PALM: variants seen among roughly 807,000 people sequenced by gnomAD.
The protein encoded by PALM is paralemmin-1.
A neutral mutation model predicts 30.7 loss-of-function variants in PALM; 18 were observed. That is an observed-to-expected ratio of 0.59 (90% CI 0.41 to 0.87). PALM has a LOEUF of 0.87. PALM is among the 40% of genes least tolerant of loss of function. The pLI is 0.00. For synonymous variants in PALM, 286 were observed against 242.8 expected, an observed-to-expected ratio of 1.18 and a Z score of -1.66; for missense variants, 529 against 555.4, an observed-to-expected ratio of 0.95 and a Z score of 0.48.
At chr19:743,686 A>T (rs946516785) in intron 8 of PALM, among the ~76,000 whole-genome samples, 2 of 151,788 alleles carry the variant, frequency 1.3e-5, no homozygotes, top group Non-Finnish European at 2.9e-5. Context: ...TGGCCCAGGC[A>T]GCCGTGTTTC....
intron 1 of PALM, chr19:719,272 G>A: frequency 2.0e-6 from 2 of 985,434 alleles, no homozygotes; most frequent in Non-Finnish European, 2.4e-6. Flanking sequence ...TAACCTCTCT[G>A]GGCCCTTCCA....
chr19:743,077 G>A (rs1250517254), intron 8 of PALM, among the ~76,000 whole-genome samples: 1 of 152,112 alleles, frequency 6.6e-6, no homozygotes, highest in Non-Finnish European at 1.5e-5. Flanking sequence ...TGGCTGTCCT[G>A]GTGGCGTGAC....
In PALM at chr19:746,431, G is replaced by C. The variant is rs759281993; in HGVS notation, c.781G>C (p.Glu261Gln). 6.2e-7 allele frequency: 1 copy of C among 1,610,840 alleles called. No individual in the cohort carries two copies. Among genetic ancestry groups the C allele is most frequent in the Admixed American group, 1.7e-5 (1 of 59,808 alleles). ...AGAAETRGAV[E>Q]GAARTTPSRR... Reference sequence around the variant, plus strand: ...GGCGGCAGAGACCCGGGGGGCTGTGGAGGGGGCAGCCCGGACCACGCCCTC... The same window carrying C: ...GGCGGCAGAGACCCGGGGGGCTGTGCAGGGGGCAGCCCGGACCACGCCCTC... Residue 261 changes from glutamate to glutamine, a missense_variant, in exon 9 of 9, where the codon GAG (glutamate) becomes CAG (glutamine). Physicochemically the swap from Glu to Gln is conservative, Grantham distance 29. Transcript: ENST00000338448. The surrounding 1 kb of genome is among the most constrained non-coding windows in gnomAD (Gnocchi z 7.1).
chr19:716,879 C>T (rs577854062), intron 1 of PALM, among the ~76,000 whole-genome samples: 36 of 152,126 alleles, frequency 2.4e-4, no homozygotes, highest in Non-Finnish European at 4.4e-4. Flanking sequence ...ACACGCTACA[C>T]AGTCTGGCTG....
intron 5 of PALM, among the ~76,000 whole-genome samples, chr19:733,305 G>A (rs566945606): frequency 1.3e-5 from 2 of 152,296 alleles, no homozygotes; most frequent in Admixed American, 1.3e-4. Flanking sequence ...GACTAGTGCT[G>A]TCATGGGAGA....
At position 741,511 on chromosome 19, in the gene PALM, AGGGG is replaced by A. The variant is rs2033193610; in HGVS notation, c.634+1029_634+1032del. ...TGAGGGGAGCTGGGCTGCAGGGGTG[AGGGG>A]AGACGGGGTGAGGGGAGACGGGCTG... On this transcript the variant is annotated intron_variant, in intron 8 of 8. Transcript: ENST00000338448. Among the ~76,000 whole-genome samples the A allele has an allele frequency of 1.5e-3, 2 of 1,362 alleles. 1 individual carries two copies. The highest frequency in any genetic ancestry group is 0.1 in the East Asian group (2 of 20). 0.9% of individuals were successfully genotyped at this position (1,362 alleles called of 152,430 possible).
intron 1 of PALM, among the ~76,000 whole-genome samples, chr19:724,156 G>C (rs909463665): frequency 6.6e-6 from 1 of 152,060 alleles, no homozygotes; most frequent in African/African-American, 2.4e-5. Flanking sequence ...AGAATTCCTC[G>C]GTTCTTTCCT....
chr19:710,668 C>G (rs1443386651), intron 1 of PALM, among the ~76,000 whole-genome samples: 2 of 84,724 alleles, frequency 2.4e-5, no homozygotes, highest in African/African-American at 5.2e-5. Context: ...CCCCACCCCC[C>G]CTCCATCACA....
chr19:713,944 A>AG, intron 1 of PALM, among the ~76,000 whole-genome samples: 1 of 139,644 alleles, frequency 7.2e-6, no homozygotes. Flanking sequence ...TCGCTCTGTC[A>AG]CCCAGGCTGG....
At position 709,469 on chromosome 19, in the gene PALM, C is replaced by T. The variant is rs1248721827; in HGVS notation, c.5+318C>T. Reference sequence around the variant, plus strand: ...TCCGCCCGCGCCCCGCCCGCGTCTCCAGGGCGAGCCTCGGCTCTCGGCCAC... The same window carrying T: ...TCCGCCCGCGCCCCGCCCGCGTCTCTAGGGCGAGCCTCGGCTCTCGGCCAC... On this transcript the variant is annotated intron_variant, in intron 1 of 8. Coordinates refer to ENST00000338448, the MANE Select transcript of PALM (RefSeq NM_002579.3). The surrounding 1 kb of genome is among the most constrained non-coding windows in gnomAD (Gnocchi z 4.3). 1.3e-5 allele frequency among the ~76,000 whole-genome samples: 2 copies of T among 152,004 alleles called. No homozygotes were observed. The highest frequency in any genetic ancestry group is 2.4e-5 in the African/African-American group (1 of 41,436).
chr19:736,320 C>G (rs927227906), intron 7 of PALM, among the ~76,000 whole-genome samples: 1 of 152,186 alleles, frequency 6.6e-6, no homozygotes, highest in Non-Finnish European at 1.5e-5. Context: ...ACGGGCCCCA[C>G]GCATGGCGGC....
At chr19:726,950 T>TGGGCTGTGCTTTGTGGGGGGGGG in intron 2 of PALM, 58 bp from the exon 3 acceptor site, 1 of 864,348 alleles carries the variant, frequency 1.2e-6, no homozygotes. Flanking sequence ...TGTGTGGGGG[T>TGGGCTGTGCTTTGTGGGGGGGGG]GGGGGGGTCT....
intron 8 of PALM, among the ~76,000 whole-genome samples, chr19:741,598 T>C (rs1171537005): frequency 6.6e-6 from 1 of 151,036 alleles, no homozygotes; most frequent in Non-Finnish European, 1.5e-5. Context: ...GTCAGGGAGT[T>C]GAGGAGCTGG....
chr19:746,232 C>T lies in PALM; in HGVS notation c.635-53C>T. 5.4e-6 allele frequency: 8 copies of T among 1,492,102 alleles called. No homozygotes were observed. The highest frequency in any genetic ancestry group is 7.4e-6 in the Non-Finnish European group (8 of 1,081,858). 92.4% of individuals were successfully genotyped at this position (1,492,102 alleles called of 1,614,324 possible). A position where few individuals can be genotyped will look rare whatever the true frequency, so the allele number is the denominator to read the frequency against. On this transcript the variant is annotated intron_variant, in intron 8 of 8. Transcript: ENST00000338448. This position sits in a 1 kb window ranked among gnomAD's most constrained non-coding sequence, Gnocchi z 7.1. ...CCTCCTGCCTGAGCCAGGTCACTCT[C>T]TCTGTCCCTCCTGCCTGGAGCTGGG...
chr19:745,598 G>A (rs1479787723), intron 8 of PALM, among the ~76,000 whole-genome samples: 2 of 151,718 alleles, frequency 1.3e-5, no homozygotes, highest in African/African-American at 4.9e-5. Context: ...AGGAGGCTGA[G>A]GCAGGAGAAT....
At chr19:725,527 C>G (rs1395551947) in intron 1 of PALM, among the ~76,000 whole-genome samples, 1 of 152,180 alleles carries the variant, frequency 6.6e-6, no homozygotes, top group Non-Finnish European at 1.5e-5. Flanking sequence ...TGCCACTGCA[C>G]TCCAGCCTGG....
chr19:719,254 C>T (rs1720016762), intron 1 of PALM: 1 of 985,526 alleles, frequency 1.0e-6, no homozygotes, highest in African/African-American at 1.7e-5. Flanking sequence ...GTGACCTTGG[C>T]CGTTGCGTAA....
At chr19:726,699 C>T (rs970293263) in intron 2 of PALM, among the ~76,000 whole-genome samples, 2 of 152,208 alleles carry the variant, frequency 1.3e-5, no homozygotes, top group Admixed American at 1.3e-4. Flanking sequence ...GATGGGGTTT[C>T]ACCATGTTGG....
At position 746,788 on chromosome 19, in the gene PALM, C is replaced by T. The variant is rs766555306; in HGVS notation, c.1138C>T (p.Arg380Cys). The change falls in exon 9 of 9, where the codon CGT becomes TGT. Residue 380 changes from arginine to cysteine, a missense_variant. Arg to Cys is a radical substitution (Grantham distance 180, BLOSUM62 -3). Coordinates refer to ENST00000338448, the MANE Select transcript of PALM (RefSeq NM_002579.3). This position sits in a 1 kb window ranked among gnomAD's most constrained non-coding sequence, Gnocchi z 7.1. ...CCAGGACCTCGACATGAAGAAGCAC[C>T]GTTGTAAATGCTGCTCCATCATGTG... is the stretch of plus-strand genomic sequence containing the variant. ...DPQDLDMKKH[R>C]CKCCSIM 2.2e-5 allele frequency: 34 copies of T among 1,570,682 alleles called. No individual in the cohort carries two copies. The highest frequency in any genetic ancestry group is 9.2e-5 in the East Asian group (4 of 43,304).
Sources: allele counts gnomAD v4.1 joint callset (sites outside exome capture counted in the v4.1 genomes callset), GRCh38; gene constraint gnomAD v4.1.1; non-coding constraint Gnocchi (gnomAD v3.1); transcripts MANE v1.5; gene names NCBI Gene and HGNC (gene_info 2026-07-23, HGNC 2026-07-21).